CEP128: variants seen among roughly 807,000 people sequenced by gnomAD.
The protein encoded by CEP128 is centrosomal protein 128, also known as centrosomal protein 128kDa.
A neutral mutation model predicts 156.7 loss-of-function variants in CEP128; 132 were observed. The observed-to-expected ratio is 0.84, with a 90% CI of 0.73 to 0.97. CEP128 has a LOEUF of 0.97. CEP128 is among the 50% of genes least tolerant of loss of function. The pLI is 0.00. For missense variants in CEP128, 1,252 were observed against 1,281.9 expected (o/e 0.98, Z 0.36); for synonymous variants, 469 against 448.9 (o/e 1.04, Z -0.57).
intron 22 of CEP128, chr14:80,527,184 T>A (rs1477246125): frequency 1.8e-6 from 1 of 557,452 alleles, no homozygotes; most frequent in Non-Finnish European, 3.3e-6. Flanking sequence ...ATCCCAGCAC[T>A]TTAGGAGGCC....
At chr14:80,835,369 G>A (rs1319524287) in intron 12 of CEP128, among the ~76,000 whole-genome samples, 1 of 152,186 alleles carries the variant, frequency 6.6e-6, no homozygotes, top group Non-Finnish European at 1.5e-5. Context: ...GTCATCCATT[G>A]AAGATTTTCT....
chr14:80,834,715 T>C (rs561803003), intron 12 of CEP128, among the ~76,000 whole-genome samples: 29 of 152,324 alleles, frequency 1.9e-4, no homozygotes, highest in African/African-American at 7.0e-4. Context: ...AATGTGTTGG[T>C]CTTTGTTCCA....
intron 19 of CEP128, among the ~76,000 whole-genome samples, chr14:80,712,497 A>C (rs1897449704): frequency 6.6e-6 from 1 of 152,182 alleles, no homozygotes; most frequent in South Asian, 2.1e-4. Context: ...CCCTGGAAGG[A>C]CTTGACCTAT....
At chr14:80,705,282 T>TTGTG (rs150297420) in intron 19 of CEP128, among the ~76,000 whole-genome samples, 2,116 of 150,816 alleles carry the variant, frequency 0.014, 60 homozygotes, top group African/African-American at 0.048. Context: ...TTTATTCCAC[T>TTGTG]TGTGTGTGTG....
At chr14:80,690,849 G>GT (rs1262929998) in intron 19 of CEP128, among the ~76,000 whole-genome samples, 7 of 151,814 alleles carry the variant, frequency 4.6e-5, no homozygotes, top group Non-Finnish European at 8.8e-5. Flanking sequence ...GCTTAGAAAG[G>GT]TTTTTTCTTC....
At chr14:80,904,553 T>C (rs978994654) in intron 6 of CEP128, among the ~76,000 whole-genome samples, 4 of 152,186 alleles carry the variant, frequency 2.6e-5, no homozygotes, top group Non-Finnish European at 5.9e-5. Flanking sequence ...ATTAACTTGA[T>C]TTGATCATGC....
intron 8 of CEP128, among the ~76,000 whole-genome samples, chr14:80,881,970 C>T (rs1049808345): frequency 3.9e-5 from 6 of 152,134 alleles, no homozygotes; most frequent in African/African-American, 1.4e-4. Flanking sequence ...AGAATGCCCA[C>T]TTTCACCACC....
chr14:80,934,854 T>A (rs1390083385), intron 2 of CEP128, among the ~76,000 whole-genome samples: 1 of 152,204 alleles, frequency 6.6e-6, no homozygotes, highest in South Asian at 2.1e-4. Context: ...ATTATGAGAC[T>A]ATAACTGGTA....
intron 9 of CEP128, among the ~76,000 whole-genome samples, chr14:80,850,786 T>C (rs1301568632): frequency 6.6e-6 from 1 of 152,190 alleles, no homozygotes; most frequent in African/African-American, 2.4e-5. Flanking sequence ...CATTCTAAAT[T>C]TCTTTTTCAA....
chr14:80,933,181 C>T (rs1371893977), intron 2 of CEP128, among the ~76,000 whole-genome samples: 1 of 152,162 alleles, frequency 6.6e-6, no homozygotes, highest in African/African-American at 2.4e-5. Context: ...TCCTGCCCAT[C>T]ATTCGTGGTG....
intron 16 of CEP128, 88 bp from the exon 17 acceptor site, chr14:80,761,701 T>C (rs1267406855): frequency 1.1e-6 from 1 of 929,836 alleles, no homozygotes; most frequent in Non-Finnish European, 1.6e-6. Flanking sequence ...CAACTAGAAG[T>C]GGATTTGAAA....
intron 13 of CEP128, among the ~76,000 whole-genome samples, chr14:80,812,861 C>A (rs1463378475): frequency 6.6e-6 from 1 of 152,096 alleles, no homozygotes; most frequent in Non-Finnish European, 1.5e-5. Flanking sequence ...CCGCGCCCGG[C>A]CTGTTTTTGT....
chr14:80,774,618 T>TGTGTGTGC (rs1380115457), intron 16 of CEP128, among the ~76,000 whole-genome samples: 1 of 152,030 alleles, frequency 6.6e-6, no homozygotes, highest in Non-Finnish European at 1.5e-5. Context: ...TATGTGTGTG[T>TGTGTGTGC]GTGTGTGCGT....
intron 10 of CEP128, among the ~76,000 whole-genome samples, chr14:80,838,764 A>C (rs1886209169): frequency 1.3e-5 from 2 of 152,166 alleles, no homozygotes; most frequent in Admixed American, 1.3e-4. Context: ...CTACATTCCT[A>C]ATATTTCTAA....
intron 21 of CEP128, among the ~76,000 whole-genome samples, chr14:80,538,771 T>A (rs1367501341): frequency 6.6e-6 from 1 of 152,204 alleles, no homozygotes; most frequent in Non-Finnish European, 1.5e-5. Context: ...ACTGGTTAAC[T>A]TTTACTTTCT....
chr14:80,811,677 A>ATGTGTGTG (rs71645384), intron 13 of CEP128, among the ~76,000 whole-genome samples: 20 of 146,488 alleles, frequency 1.4e-4, no homozygotes, highest in East Asian at 4.0e-4. Flanking sequence ...GTACAGACAT[A>ATGTGTGTG]TGTGTGTGTG....
At chr14:80,482,450 C>T (rs1887074150) in intron 14 of CEP128, among the ~76,000 whole-genome samples, 1 of 152,192 alleles carries the variant, frequency 6.6e-6, no homozygotes. Context: ...AGTCCAAAGG[C>T]ATACAGTTTC....
At chr14:80,819,050 A>C (rs1167805953) in intron 13 of CEP128, among the ~76,000 whole-genome samples, 2 of 152,132 alleles carry the variant, frequency 1.3e-5, no homozygotes, top group African/African-American at 4.8e-5. Flanking sequence ...TTAACAAAGC[A>C]CCACAGACTG....
intron 19 of CEP128, among the ~76,000 whole-genome samples, chr14:80,724,976 TATATATCATATATAC>T (rs1473513042): frequency 1.0e-3 from 149 of 146,852 alleles, no homozygotes; most frequent in Non-Finnish European, 1.8e-3. Flanking sequence ...ATATCATACA[TATATATCATATATAC>T]ATATATCATA....
Sources: allele counts gnomAD v4.1 joint callset (sites outside exome capture counted in the v4.1 genomes callset), GRCh38; gene constraint gnomAD v4.1.1; transcripts MANE v1.5; gene names NCBI Gene and HGNC (gene_info 2026-07-23, HGNC 2026-07-21).